Variants in PCLO observed in about 807,000 individuals in gnomAD.
PCLO encodes the protein protein piccolo.
A neutral mutation model predicts 427.5 loss-of-function variants in PCLO; 82 were observed. The ratio of observed to expected loss-of-function variants is 0.19; its 90% CI spans 0.16 to 0.23. PCLO has a LOEUF of 0.23. PCLO is among the 10% of genes least tolerant of loss of function. PCLO has a pLI of 1.00. For missense variants in PCLO, 6,239 were observed against 6,115.9 expected, an observed-to-expected ratio of 1.02 and a Z score of -0.67; for synonymous variants, 2,357 against 2,155.4, an observed-to-expected ratio of 1.09 and a Z score of -2.59.
intron 20 of PCLO, 169 bp downstream of exon 20, chr7:82,822,326 G>A (rs1791813505): frequency 6.9e-7 from 1 of 1,448,686 alleles, no homozygotes. Context: ...ATCTAAATAA[G>A]AAAGAGCATA....
At chr7:82,939,525 T>C (rs1795029804) in intron 6 of PCLO, among the ~76,000 whole-genome samples, 1 of 151,662 alleles carries the variant, frequency 6.6e-6, no homozygotes, top group South Asian at 2.1e-4. Flanking sequence ...TTCAGGGATA[T>C]GTGTGTGTAG....
chr7:83,011,218 A>C (rs896413540), intron 3 of PCLO, among the ~76,000 whole-genome samples: 1 of 152,116 alleles, frequency 6.6e-6, no homozygotes, highest in African/African-American at 2.4e-5. Flanking sequence ...AAATTTATCC[A>C]ATCTAAAAAG....
At chr7:82,963,955 C>G (rs907080343) in intron 4 of PCLO, among the ~76,000 whole-genome samples, 1 of 151,972 alleles carries the variant, frequency 6.6e-6, no homozygotes. Context: ...GTACTGCATT[C>G]AGGAAAATAT....
chr7:83,078,814 G>C (rs1156379523), intron 3 of PCLO, among the ~76,000 whole-genome samples: 1 of 152,048 alleles, frequency 6.6e-6, no homozygotes, highest in Non-Finnish European at 1.5e-5. Context: ...GGGATAACAG[G>C]CATGATCCAA....
Position 82,949,551 on chromosome 7 carries a change from C to T in PCLO, c.11037G>A (p.Met3679Ile). The T allele has an allele frequency of 6.2e-7, 1 of 1,613,850 alleles. No homozygotes were observed. The highest frequency in any genetic ancestry group is 8.5e-7 in the Non-Finnish European group (1 of 1,179,816). ...PKTAKMMQRS[M>I]SDPKPLSPTA... Reference sequence around the variant, plus strand: ...TTGGACTCAGAGGCTTGGGGTCAGACATAGAACGCTGCATCATCTTGGCTG... The same window carrying T: ...TTGGACTCAGAGGCTTGGGGTCAGATATAGAACGCTGCATCATCTTGGCTG... The change falls in exon 6 of 25, where the codon ATG becomes ATA. Residue 3679 changes from methionine to isoleucine, a missense_variant. Transcript: ENST00000333891.
At chr7:82,869,263 A>T (rs562970918) in intron 10 of PCLO, among the ~76,000 whole-genome samples, 1 of 152,254 alleles carries the variant, frequency 6.6e-6, no homozygotes, top group Admixed American at 6.5e-5. Context: ...TAATAAGTTT[A>T]ACAATTGCTA....
chr7:83,094,170 A>G (rs996089476), intron 3 of PCLO, among the ~76,000 whole-genome samples: 1 of 150,308 alleles, frequency 6.7e-6, no homozygotes, highest in African/African-American at 2.4e-5. Flanking sequence ...ATATAGATGG[A>G]ATTGTAAAGT....
intron 3 of PCLO, among the ~76,000 whole-genome samples, chr7:82,984,613 G>C (rs1796219252): frequency 6.6e-6 from 1 of 151,976 alleles, no homozygotes; most frequent in Non-Finnish European, 1.5e-5. Context: ...CCAGTACTAT[G>C]AGCTTTAACT....
At chr7:82,785,423 A>G (rs1287017175) in intron 22 of PCLO, among the ~76,000 whole-genome samples, 1 of 152,162 alleles carries the variant, frequency 6.6e-6, no homozygotes, top group Non-Finnish European at 1.5e-5. Flanking sequence ...AGACCAATAC[A>G]GGTCTGTGGT....
At position 83,155,293 on chromosome 7, in the gene PCLO, G is replaced by C; in HGVS notation, c.1348C>G (p.Pro450Ala). The change falls in exon 2 of 25, where the codon CCA becomes GCA. Residue 450 changes from proline (P) to alanine (A), a missense_variant. Pro to Ala is a conservative substitution (Grantham distance 27). Around this residue, in one of 5 missense-constraint regions of PCLO, gnomAD observed 4,677 missense variants for 4,468.4 expected, o/e 1.05. Coordinates refer to ENST00000333891, the MANE Select transcript of PCLO (RefSeq NM_033026.6). ...PVQQPGPGKIPAQQAGPGKTS... is the reference protein window; with the variant it reads ...PVQQPGPGKIAAQQAGPGKTS... Reference sequence around the variant, plus strand: ...TTTCCGGGTCCTGCCTGTTGAGCTGGAATCTTTCCTGGCCCAGGCTGCTGA... The same window carrying C: ...TTTCCGGGTCCTGCCTGTTGAGCTGCAATCTTTCCTGGCCCAGGCTGCTGA... The C allele has an allele frequency of 1.2e-6, 2 of 1,613,976 alleles. No homozygotes were observed. The highest frequency in any genetic ancestry group is 1.7e-6 in the Non-Finnish European group (2 of 1,179,878).
intron 20 of PCLO, chr7:82,822,238 G>A: frequency 2.2e-6 from 3 of 1,338,894 alleles, no homozygotes; most frequent in Non-Finnish European, 2.9e-6. Context: ...TGTATCAAAT[G>A]CTATGAGCCA....
intron 3 of PCLO, among the ~76,000 whole-genome samples, chr7:83,079,205 C>T (rs1790033268): frequency 6.6e-6 from 1 of 152,076 alleles, no homozygotes; most frequent in South Asian, 2.1e-4. Flanking sequence ...CACATGAATA[C>T]CAATACATGC....
At chr7:82,762,376 T>C (rs1790448994) in intron 22 of PCLO, among the ~76,000 whole-genome samples, 1 of 152,042 alleles carries the variant, frequency 6.6e-6, no homozygotes, top group Non-Finnish European at 1.5e-5. Context: ...TAAATGCCTA[T>C]GTGATAGTAA....
At chr7:82,858,640 T>C (rs1792870123) in intron 10 of PCLO, among the ~76,000 whole-genome samples, 1 of 152,118 alleles carries the variant, frequency 6.6e-6, no homozygotes, top group African/African-American at 2.4e-5. Context: ...AATCAGCCTA[T>C]ACTATACTCA....
chr7:82,788,226 T>G (rs1791023611), intron 22 of PCLO, among the ~76,000 whole-genome samples: 1 of 147,604 alleles, frequency 6.8e-6, no homozygotes, highest in South Asian at 2.1e-4. Flanking sequence ...AATAATTATA[T>G]ATAATATATA....
At chr7:83,039,504 A>G (rs1008380913) in intron 3 of PCLO, among the ~76,000 whole-genome samples, 6 of 152,104 alleles carry the variant, frequency 3.9e-5, no homozygotes, top group Non-Finnish European at 7.4e-5. Context: ...CTCTTGTCAA[A>G]TATCAGTTGA....
rs1276439344 is a variant in PCLO at position 82,915,664 on chromosome 7, C to T, written c.12322G>A (p.Val4108Met). The T allele has an allele frequency of 1.9e-6, 3 of 1,613,286 alleles. No individual in the cohort carries two copies. Among genetic ancestry groups the T allele is most frequent in the Admixed American group, 3.3e-5 (2 of 59,894 alleles). Residue 4108 changes from valine to methionine, a missense_variant, in exon 7 of 25, where the codon GTG becomes ATG. Around this residue, in one of 5 missense-constraint regions of PCLO, gnomAD observed 680 missense variants for 677.3 expected, o/e 1.00. Transcript: ENST00000333891. ...LQSSSRLHSY[V>M]KAEEDPMEDP... ...TCCATTGGGTCTTCCTCCGCCTTCA[C>T]ATAACTATGCAATCTAGAGGAAGAC...
At chr7:82,904,425 T>A (rs1174676935) in intron 8 of PCLO, among the ~76,000 whole-genome samples, 1 of 152,006 alleles carries the variant, frequency 6.6e-6, no homozygotes, top group East Asian at 1.9e-4. Context: ...CTTTATTTTT[T>A]ACTAAAAATA....
chr7:83,017,521 G>A (rs1001837337), intron 3 of PCLO, among the ~76,000 whole-genome samples: 5 of 151,994 alleles, frequency 3.3e-5, no homozygotes, highest in Middle Eastern at 3.4e-3. Flanking sequence ...AACAGATCAA[G>A]CAGATCACAT....
Sources: gnomAD v4.1 joint callset for allele counts (sites outside exome capture counted in the v4.1 genomes callset) on GRCh38, gnomAD v4.1.1 for gene constraint, gnomAD v4.1.1 regional missense constraint, MANE v1.5 for transcripts, NCBI Gene and HGNC (gene_info 2026-07-23, HGNC 2026-07-21) for gene names.